Variants in CSMD3 observed in about 807,000 individuals in gnomAD.
CSMD3 encodes CUB and Sushi multiple domains 3.
Under a neutral mutation model 435.2 loss-of-function variants are expected in CSMD3, and 177 were observed. The ratio of observed to expected loss-of-function variants is 0.41; its 90% CI spans 0.36 to 0.46. The LOEUF (loss-of-function observed/expected upper bound fraction) is 0.46. Among genes scored for constraint, CSMD3 ranks in the 20% least tolerant of loss-of-function variants. The pLI is 0.34. For synonymous variants in CSMD3, 1,656 were observed against 1,520.5 expected (o/e 1.09, Z -2.07); for missense variants, 4,265 against 4,504.6 (o/e 0.95, Z 1.52).
chr8:112,332,635 C>T (rs1166537967), intron 45 of CSMD3, among the ~76,000 whole-genome samples: 1 of 152,134 alleles, frequency 6.6e-6, no homozygotes, highest in African/African-American at 2.4e-5. Flanking sequence ...TGGCTATGCT[C>T]CCAAACTTCA....
chr8:113,245,320 A>G (rs2093264438), intron 3 of CSMD3, among the ~76,000 whole-genome samples: 1 of 151,832 alleles, frequency 6.6e-6, no homozygotes, highest in African/African-American at 2.4e-5. Context: ...ATATGTTTTA[A>G]ATCATTTTGT....
At chr8:112,396,337 T>C (rs1027886112) in intron 35 of CSMD3, among the ~76,000 whole-genome samples, 30 of 152,138 alleles carry the variant, frequency 2.0e-4, no homozygotes, top group Admixed American at 6.6e-5. Flanking sequence ...TAAAACCCTG[T>C]AAATAGGCTG....
chr8:113,408,719 G>A (rs574983569), intron 1 of CSMD3, among the ~76,000 whole-genome samples: 7 of 151,544 alleles, frequency 4.6e-5, no homozygotes, highest in African/African-American at 9.7e-5. Context: ...GTGCAGGGGC[G>A]AAATCTTGGC....
At chr8:112,357,250 GC>G (rs1340251278) in intron 38 of CSMD3, among the ~76,000 whole-genome samples, 2 of 152,132 alleles carry the variant, frequency 1.3e-5, no homozygotes, top group Non-Finnish European at 2.9e-5. Context: ...GCAGCATTTT[GC>G]CCCTGCCCTA....
At chr8:113,110,937 C>T (rs2090619369) in intron 4 of CSMD3, among the ~76,000 whole-genome samples, 1 of 152,134 alleles carries the variant, frequency 6.6e-6, no homozygotes, top group Non-Finnish European at 1.5e-5. Flanking sequence ...TGCCTTCTTG[C>T]TGTGTACTTA....
At chr8:113,420,882 G>A (rs1397624276) in intron 1 of CSMD3, among the ~76,000 whole-genome samples, 8 of 151,818 alleles carry the variant, frequency 5.3e-5, no homozygotes, top group Non-Finnish European at 8.8e-5. Context: ...CCCAGCAGGC[G>A]GAGGTTGTAG....
At chr8:113,397,933 G>A (rs2094491838) in intron 1 of CSMD3, among the ~76,000 whole-genome samples, 1 of 152,070 alleles carries the variant, frequency 6.6e-6, no homozygotes, top group Non-Finnish European at 1.5e-5. Flanking sequence ...TGAATATTAT[G>A]TGGCCCTAAG....
At chr8:113,314,231 C>T in intron 2 of CSMD3, 2 of 253,788 alleles carry the variant, frequency 7.9e-6, no homozygotes, top group South Asian at 4.9e-5. Flanking sequence ...TGAAATATAC[C>T]TTATATAGTA....
chr8:112,424,241 T>C (rs1205210496), intron 32 of CSMD3, among the ~76,000 whole-genome samples: 1 of 152,124 alleles, frequency 6.6e-6, no homozygotes, highest in Admixed American at 6.5e-5. Flanking sequence ...TTTTAAGATA[T>C]GATTGCAAAA....
At chr8:112,624,354 C>T (rs1415950989) in intron 22 of CSMD3, among the ~76,000 whole-genome samples, 2 of 151,972 alleles carry the variant, frequency 1.3e-5, no homozygotes, top group African/African-American at 2.4e-5. Flanking sequence ...TTTTAGTCTT[C>T]TTTTTTTCTC....
intron 2 of CSMD3, chr8:113,309,829 T>G (rs1022076484): frequency 1.3e-5 from 2 of 152,304 alleles, no homozygotes; most frequent in South Asian, 2.1e-4. Flanking sequence ...TTTCCACAAC[T>G]GAGGTTGAAA....
At chr8:112,851,394 C>T (rs2080482264) in intron 11 of CSMD3, among the ~76,000 whole-genome samples, 1 of 152,102 alleles carries the variant, frequency 6.6e-6, no homozygotes, top group African/African-American at 2.4e-5. Context: ...ATTCTTCCCC[C>T]TGATAATCTA....
chr8:112,614,118 C>T (rs890048642), intron 22 of CSMD3, among the ~76,000 whole-genome samples: 1 of 151,978 alleles, frequency 6.6e-6, no homozygotes, highest in East Asian at 1.9e-4. Flanking sequence ...AGCAAATGGG[C>T]AACTATGAAG....
rs1824278441 is a variant in CSMD3, at chr8:112,521,499, T to C, written c.4565-4274A>G. ...TAGTCTGGTTTTCTTTCTGGCTTATTTGCTGCTCTCTTTTGGTATCTTTTG... is the reference window on the plus strand; with the variant it reads ...TAGTCTGGTTTTCTTTCTGGCTTATCTGCTGCTCTCTTTTGGTATCTTTTG... On this transcript the variant is annotated intron_variant, in intron 27 of 70. Transcript: ENST00000297405. Among the ~76,000 whole-genome samples the C allele has an allele frequency of 2.0e-5, 3 of 152,120 alleles. No individual in the cohort carries two copies. In the South Asian group the frequency reaches 6.2e-4, roughly 31 times the overall value.
In CSMD3 at chr8:113,221,102, C is replaced by T. The variant is rs550271641; in HGVS notation, c.515-47186G>A. ...TGTTATGGCGGCTAAATGCAATACC[C>T]AAATTTTGTTGGATCTTGTACTGGA... On this transcript the variant is annotated intron_variant, in intron 3 of 70. Transcript: ENST00000297405. Among the ~76,000 whole-genome samples the T allele has an allele frequency of 1.7e-3, 261 of 151,248 alleles. 1 individual carries two copies. The highest frequency in any genetic ancestry group is 3.4e-3 in the Middle Eastern group (1 of 294).
intron 22 of CSMD3, among the ~76,000 whole-genome samples, chr8:112,610,392 ATC>A (rs1833165045): frequency 6.6e-6 from 1 of 151,808 alleles, no homozygotes; most frequent in Non-Finnish European, 1.5e-5. Flanking sequence ...GAATGTATTG[ATC>A]TCTTTGGCTC....
Position 112,897,694 on chromosome 8 carries a change from C to CTGTGTGTGTGTGTGTG in CSMD3, c.1633+23917_1633+23932dup, listed in dbSNP as rs375797134. The stretch of plus-strand genomic sequence containing the variant: ...TCTCTCTCTCTCTCTCTCTCTCTCT[C>CTGTGTGTGTGTGTGTG]TGTGTGTGTGTGTGTGTGTGTGTGT... On this transcript the variant is annotated intron_variant, in intron 10 of 70. Transcript: ENST00000297405. 2.1e-3 allele frequency among the ~76,000 whole-genome samples: 191 copies of CTGTGTGTGTGTGTGTG among 91,030 alleles called. 1 individual carries two copies. Among genetic ancestry groups the CTGTGTGTGTGTGTGTG allele is most frequent in the African/African-American group, 7.9e-3 (181 of 22,818 alleles). 59.7% of individuals were successfully genotyped at this position (91,030 alleles called of 152,430 possible).
At chr8:112,701,703 A>G (rs756385851) in intron 13 of CSMD3, among the ~76,000 whole-genome samples, 1 of 152,114 alleles carries the variant, frequency 6.6e-6, no homozygotes, top group Middle Eastern at 3.2e-3. Flanking sequence ...CTTCCTTACC[A>G]TAGAGGGCCC....
intron 12 of CSMD3, among the ~76,000 whole-genome samples, chr8:112,809,377 G>C (rs912021854): frequency 6.6e-6 from 1 of 152,048 alleles, no homozygotes; most frequent in African/African-American, 2.4e-5. Context: ...AAAATCTCAC[G>C]CAGATTCATG....
Sources: allele counts gnomAD v4.1 joint callset (sites outside exome capture counted in the v4.1 genomes callset), GRCh38; gene constraint gnomAD v4.1.1; transcripts MANE v1.5; gene names NCBI Gene and HGNC (gene_info 2026-07-23, HGNC 2026-07-21).